RBMS3: variants seen among roughly 807,000 people sequenced by gnomAD.
RBMS3 encodes RNA binding motif single stranded interacting protein 3.
Under a neutral mutation model 66.8 loss-of-function variants are expected in RBMS3, and 27 were observed. That is an observed-to-expected ratio of 0.40 (90% CI 0.30 to 0.56). The LOEUF (loss-of-function observed/expected upper bound fraction) is 0.56, where lower values mean the gene tolerates loss of function less well. Ranked by LOEUF, RBMS3 falls within the 20% of genes least tolerant of loss-of-function variation. The pLI is 0.40. For missense variants in RBMS3, 513 were observed against 549.5 expected (o/e 0.93, Z 0.66); for synonymous variants, 188 against 183.0 (o/e 1.03, Z -0.22).
At chr3:29,626,844 T>C (rs2049080476) in intron 4 of RBMS3, among the ~76,000 whole-genome samples, 2 of 152,226 alleles carry the variant, frequency 1.3e-5, no homozygotes, top group African/African-American at 4.8e-5. Flanking sequence ...CTGATGATGT[T>C]ACTTAATCTT....
intron 1 of RBMS3, among the ~76,000 whole-genome samples, chr3:29,392,306 T>C (rs148122499): frequency 2.0e-5 from 3 of 152,264 alleles, no homozygotes; most frequent in East Asian, 1.9e-4. Flanking sequence ...GCCAAATATA[T>C]ATAAAACATA....
At chr3:29,345,334 G>A (rs2036511890) in intron 1 of RBMS3, among the ~76,000 whole-genome samples, 1 of 152,150 alleles carries the variant, frequency 6.6e-6, no homozygotes, top group Non-Finnish European at 1.5e-5. Flanking sequence ...GGCTTTATCT[G>A]CTTCTGTCAC....
intron 8 of RBMS3, among the ~76,000 whole-genome samples, chr3:29,888,309 C>A (rs189752539): frequency 2.6e-5 from 4 of 151,584 alleles, no homozygotes; most frequent in Non-Finnish European, 4.4e-5. Context: ...TATATTATCT[C>A]ATATTATATT....
At chr3:29,314,303 A>G (rs2125474060) in intron 1 of RBMS3, among the ~76,000 whole-genome samples, 1 of 151,846 alleles carries the variant, frequency 6.6e-6, no homozygotes, top group South Asian at 2.1e-4. Flanking sequence ...TAATCTGGCA[A>G]TAATACCTTC....
chr3:29,442,626 C>A (rs1559365280), intron 2 of RBMS3, among the ~76,000 whole-genome samples: 1 of 152,080 alleles, frequency 6.6e-6, no homozygotes, highest in Non-Finnish European at 1.5e-5. Context: ...CTAGGCAGAT[C>A]TCATGCTGAA....
At chr3:29,933,601 A>G (rs974932342) in intron 10 of RBMS3, among the ~76,000 whole-genome samples, 2 of 152,144 alleles carry the variant, frequency 1.3e-5, no homozygotes, top group African/African-American at 2.4e-5. Context: ...TATTGAATGC[A>G]AACAAGACTC....
intron 1 of RBMS3, among the ~76,000 whole-genome samples, chr3:29,402,784 A>G (rs1368919906): frequency 6.6e-6 from 1 of 152,046 alleles, no homozygotes; most frequent in East Asian, 1.9e-4. Context: ...CAATGTTTGC[A>G]TTCTGTGGCA....
chr3:29,974,153 C>T (rs1032198546), intron 12 of RBMS3, among the ~76,000 whole-genome samples: 3 of 151,824 alleles, frequency 2.0e-5, no homozygotes, highest in African/African-American at 7.2e-5. Context: ...TAAATGTTAC[C>T]TCAACACTTC....
At chr3:29,581,892 C>A (rs187841408) in intron 3 of RBMS3, among the ~76,000 whole-genome samples, 5 of 152,148 alleles carry the variant, frequency 3.3e-5, no homozygotes, top group Non-Finnish European at 7.3e-5. Flanking sequence ...CACCCCAACA[C>A]ACACACATAA....
chr3:29,626,629 G>A (rs549429138), intron 4 of RBMS3, among the ~76,000 whole-genome samples: 42 of 152,230 alleles, frequency 2.8e-4, no homozygotes, highest in African/African-American at 1.0e-3. Context: ...AATAAAATGG[G>A]AATATACAGA....
intron 12 of RBMS3, among the ~76,000 whole-genome samples, chr3:29,964,835 C>G (rs1696722529): frequency 6.6e-6 from 1 of 152,086 alleles, no homozygotes; most frequent in South Asian, 2.1e-4. Context: ...GCAGTATACA[C>G]TGCACCATAT....
intron 3 of RBMS3, among the ~76,000 whole-genome samples, chr3:29,515,049 C>T (rs572753064): frequency 1.3e-5 from 2 of 152,124 alleles, no homozygotes; most frequent in Non-Finnish European, 2.9e-5. Flanking sequence ...CCAGGAAGTT[C>T]CCAAATATAT....
intron 12 of RBMS3, among the ~76,000 whole-genome samples, chr3:29,980,328 A>G (rs192223255): frequency 6.6e-6 from 1 of 152,304 alleles, no homozygotes; most frequent in African/African-American, 2.4e-5. Context: ...GATTCTGGAT[A>G]TTAGCCCTTT....
At chr3:29,692,682 G>A (rs2052084100) in intron 4 of RBMS3, among the ~76,000 whole-genome samples, 1 of 152,032 alleles carries the variant, frequency 6.6e-6, no homozygotes, top group Admixed American at 6.6e-5. Context: ...GATCCATAGC[G>A]ATTGCAAAGC....
intron 4 of RBMS3, among the ~76,000 whole-genome samples, chr3:29,715,774 G>T (rs1020100207): frequency 1.3e-5 from 2 of 152,096 alleles, no homozygotes; most frequent in Admixed American, 6.6e-5. Flanking sequence ...TTTGTTCAGG[G>T]TATACTACCT....
chr3:29,418,756 A>G (rs2040580628), intron 1 of RBMS3, among the ~76,000 whole-genome samples: 1 of 152,168 alleles, frequency 6.6e-6, no homozygotes, highest in South Asian at 2.1e-4. Context: ...AGTCTTTCAT[A>G]TGAGTCTACT....
At chr3:29,661,330 G>A (rs1385731799) in intron 4 of RBMS3, among the ~76,000 whole-genome samples, 2 of 152,094 alleles carry the variant, frequency 1.3e-5, no homozygotes, top group Non-Finnish European at 2.9e-5. Context: ...GAATCTCTTT[G>A]AGCTGTTGCC....
chr3:29,671,220 A>G (rs1160015029), intron 4 of RBMS3, among the ~76,000 whole-genome samples: 1 of 152,222 alleles, frequency 6.6e-6, no homozygotes. Flanking sequence ...AACAAACAGA[A>G]AGGAATAGCA....
At chr3:29,892,238 T>A (rs1310532182) in intron 8 of RBMS3, among the ~76,000 whole-genome samples, 1 of 151,554 alleles carries the variant, frequency 6.6e-6, no homozygotes, top group Non-Finnish European at 1.5e-5. Context: ...TAGCTTAGAC[T>A]TCCGTGGATC....
Sources: gnomAD v4.1 joint callset for allele counts (sites outside exome capture counted in the v4.1 genomes callset) on GRCh38, gnomAD v4.1.1 for gene constraint, MANE v1.5 for transcripts, NCBI Gene and HGNC (gene_info 2026-07-23, HGNC 2026-07-21) for gene names.